TNPO3: variants seen among roughly 807,000 people sequenced by gnomAD.
TNPO3 encodes the protein transportin-3.
A neutral mutation model predicts 122.8 loss-of-function variants in TNPO3; 65 were observed. The observed-to-expected ratio is 0.53, with a 90% CI of 0.43 to 0.65. The LOEUF is 0.65. Among genes scored for constraint, TNPO3 ranks in the 30% least tolerant of loss-of-function variants. The probability of loss-of-function intolerance (pLI) is 0.00; values close to 1 mark genes in which losing one functional copy is unlikely to be tolerated. For synonymous variants in TNPO3, 372 were observed against 411.2 expected (o/e 0.90, Z 1.15); for missense variants, 850 against 1,136.7 (o/e 0.75, Z 3.63).
At chr7:129,056,075 G>C, upstream of TNPO3, 1 of 1,160,456 alleles carries the variant, frequency 8.6e-7, no homozygotes, top group South Asian at 1.3e-5. Flanking sequence ...ACGGGCGGAA[G>C]AAATGTCTGG....
intron 19 of TNPO3, 69 bp from the exon 20 acceptor site, chr7:128,970,384 C>T (rs1585324755): frequency 2.1e-6 from 3 of 1,442,330 alleles, no homozygotes; most frequent in Non-Finnish European, 1.9e-6. Context: ...AGCACTCTTT[C>T]CCCTTTAGTA....
chr7:129,054,878 A>C lies in TNPO3; in HGVS notation c.-108T>G. The C allele has an allele frequency of 6.7e-7, 1 of 1,481,786 alleles. No homozygotes were observed. The highest frequency in any genetic ancestry group is 9.2e-7 in the Non-Finnish European group (1 of 1,085,426). 91.8% of individuals were successfully genotyped at this position (1,481,786 alleles called of 1,614,324 possible). On this transcript the variant is annotated 5_prime_UTR_variant, in exon 1 of 23. Coordinates refer to ENST00000265388, the MANE Select transcript of TNPO3 (RefSeq NM_012470.4). ...CTGTCTGGGCCACGGCCGCTCCCTGACTGGCGCCATCTCCTCCTCTTTGGC... is the reference window on the plus strand; with the variant it reads ...CTGTCTGGGCCACGGCCGCTCCCTGCCTGGCGCCATCTCCTCCTCTTTGGC...
At position 129,054,930 on chromosome 7, in the gene TNPO3, G is replaced by A; in HGVS notation, c.-160C>T. On this transcript the variant is annotated 5_prime_UTR_variant, in exon 1 of 23. Transcript: ENST00000265388. ...GTTACCAGGGCAGAAGGCTCTCCGT[G>A]GAAGTTGCCCCCTCGGAAACAGCTA... 1 of 902,662 alleles carries A rather than the reference G, an allele frequency of 1.1e-6. No individual in the cohort carries two copies. The highest frequency in any genetic ancestry group is 1.6e-6 in the Non-Finnish European group (1 of 606,888). The allele number at this position is 902,662 out of a possible 1,614,324, so 55.9% of individuals were successfully genotyped here.
intron 5 of TNPO3, among the ~76,000 whole-genome samples, chr7:129,002,595 A>T (rs1179161403): frequency 6.6e-6 from 1 of 152,208 alleles, no homozygotes; most frequent in Non-Finnish European, 1.5e-5. Flanking sequence ...GTAGGTTCAA[A>T]GATTCTCATT....
chr7:129,032,102 G>A (rs1290014702), intron 1 of TNPO3, among the ~76,000 whole-genome samples: 1 of 152,070 alleles, frequency 6.6e-6, no homozygotes, highest in Non-Finnish European at 1.5e-5. Context: ...GAATGAAGAA[G>A]GAAAAGACAT....
At chr7:129,051,534 G>A (rs542036259) in intron 1 of TNPO3, among the ~76,000 whole-genome samples, 9 of 151,992 alleles carry the variant, frequency 5.9e-5, no homozygotes, top group Non-Finnish European at 1.3e-4. Flanking sequence ...ATGAGGTCTC[G>A]CTATGTTGCC....
intron 1 of TNPO3, among the ~76,000 whole-genome samples, chr7:129,040,254 CAAA>C (rs57306586): frequency 1.1e-4 from 9 of 79,520 alleles, no homozygotes; most frequent in African/African-American, 1.3e-4. Context: ...GACGCCATCT[CAAA>C]AAAAAAAAAA....
At chr7:129,050,065 CTT>C (rs922893612) in intron 1 of TNPO3, among the ~76,000 whole-genome samples, 2 of 151,268 alleles carry the variant, frequency 1.3e-5, no homozygotes, top group African/African-American at 4.8e-5. Flanking sequence ...CTTTTCTTTT[CTT>C]TTTTTTCTTT....
intron 1 of TNPO3, among the ~76,000 whole-genome samples, chr7:129,026,540 T>A (rs570088337): frequency 1.3e-5 from 2 of 151,690 alleles, no homozygotes; most frequent in African/African-American, 4.8e-5. Context: ...GTAGCTGGGA[T>A]TACAGGCATG....
chr7:129,045,513 T>A, intron 1 of TNPO3, among the ~76,000 whole-genome samples: 1 of 147,240 alleles, frequency 6.8e-6, no homozygotes. Flanking sequence ...AAAAAAACGT[T>A]AAAATGCTAA....
intron 1 of TNPO3, among the ~76,000 whole-genome samples, chr7:129,026,395 T>C (rs1045338278): frequency 1.4e-5 from 1 of 71,486 alleles, no homozygotes; most frequent in Non-Finnish European, 2.7e-5. Flanking sequence ...GACGTTTGAA[T>C]TTTTTTTTTT....
intron 14 of TNPO3, among the ~76,000 whole-genome samples, chr7:128,980,887 T>C (rs901335914): frequency 1.2e-4 from 18 of 152,242 alleles, no homozygotes; most frequent in Non-Finnish European, 2.4e-4. Context: ...GTTGTAGTTC[T>C]AGTTTGAATC....
intron 1 of TNPO3, chr7:129,029,773 A>T (rs1805693503): frequency 1.3e-5 from 2 of 152,284 alleles, no homozygotes; most frequent in African/African-American, 4.8e-5. Flanking sequence ...CTGTAATCCC[A>T]GCACTTTGGG....
intron 19 of TNPO3, among the ~76,000 whole-genome samples, chr7:128,971,394 C>G (rs552688893): frequency 2.0e-5 from 3 of 152,240 alleles, no homozygotes; most frequent in African/African-American, 4.8e-5. Flanking sequence ...GATCTGCACG[C>G]CTTGGCCTCC....
chr7:129,002,780 C>T (rs950091503), intron 5 of TNPO3, among the ~76,000 whole-genome samples: 4 of 151,370 alleles, frequency 2.6e-5, no homozygotes, highest in East Asian at 1.9e-4. Context: ...TGGCCGGGCG[C>T]GGTGGCTCAC....
chr7:129,015,898 T>C (rs1439761459), intron 3 of TNPO3, among the ~76,000 whole-genome samples: 1 of 151,954 alleles, frequency 6.6e-6, no homozygotes, highest in Non-Finnish European at 1.5e-5. Flanking sequence ...GTTTCCATAC[T>C]GTTAGAATTT....
At chr7:128,958,305 G>A (rs140709207) in intron 21 of TNPO3, among the ~76,000 whole-genome samples, 6,733 of 151,978 alleles carry the variant, frequency 0.044, 202 homozygotes, top group Middle Eastern at 0.1. Context: ...CACCACGCCC[G>A]ACTATTTTTT....
chr7:129,021,510 GA>G (rs888014263), intron 1 of TNPO3, among the ~76,000 whole-genome samples: 12 of 151,414 alleles, frequency 7.9e-5, no homozygotes, highest in Non-Finnish European at 1.3e-4. Context: ...AAACTGCTAT[GA>G]AAAAAAACAA....
At chr7:128,993,566 G>C (rs571099126) in intron 9 of TNPO3, among the ~76,000 whole-genome samples, 1 of 152,336 alleles carries the variant, frequency 6.6e-6, no homozygotes, top group East Asian at 1.9e-4. Context: ...AAGTGGAACA[G>C]CAATCAGTGC....
Sources: gnomAD v4.1 joint callset for allele counts (sites outside exome capture counted in the v4.1 genomes callset) on GRCh38, gnomAD v4.1.1 for gene constraint, MANE v1.5 for transcripts, NCBI Gene and HGNC (gene_info 2026-07-23, HGNC 2026-07-21) for gene names.